Variants in VPS50 observed in about 807,000 individuals in gnomAD.
VPS50 encodes syndetin.
In VPS50, 70 loss-of-function variants were observed where a neutral mutation model predicts 139.7. The ratio of observed to expected loss-of-function variants is 0.50; its 90% CI spans 0.41 to 0.61. The LOEUF (loss-of-function observed/expected upper bound fraction) is 0.61. VPS50 is among the 20% of genes least tolerant of loss of function. The probability of loss-of-function intolerance (pLI) is 0.00; values close to 1 mark genes in which losing one functional copy is unlikely to be tolerated. For missense variants in VPS50, 921 were observed against 1,133.7 expected (o/e 0.81, Z 2.69); for synonymous variants, 365 against 376.7 (o/e 0.97, Z 0.36).
chr7:93,290,512 G>T (rs1796618715), intron 12 of VPS50, among the ~76,000 whole-genome samples: 1 of 146,768 alleles, frequency 6.8e-6, no homozygotes. Context: ...ATATGTTTTT[G>T]TTAGGAGTGG....
intron 14 of VPS50, among the ~76,000 whole-genome samples, 163 bp from the exon 15 acceptor site, chr7:93,296,579 T>C (rs896993624): frequency 2.0e-5 from 3 of 152,206 alleles, no homozygotes; most frequent in Non-Finnish European, 4.4e-5. Flanking sequence ...TTGTCTCTAT[T>C]ACATCCCTTA....
chr7:93,296,892 T>A (rs1796827195), intron 15 of VPS50, 56 bp downstream of exon 15: 44 of 1,528,778 alleles, frequency 2.9e-5, no homozygotes, highest in Non-Finnish European at 3.8e-5. Context: ...CCATGATAAA[T>A]CATGAGCTAG....
rs150180871 is a variant in VPS50 at position 93,339,073 on chromosome 7, T to C, written c.2059-2354T>C. 4.2e-3 allele frequency among the ~76,000 whole-genome samples: 642 copies of C among 152,244 alleles called. 3 individuals are homozygous for C. The highest frequency in any genetic ancestry group is 0.015 in the African/African-American group (617 of 41,562). ...CTTATCAATAACTACCAGAATTAAA[T>C]AGCATAGACAACCAATTGGTGCCAA... On this transcript the variant is annotated intron_variant, in intron 22 of 27. Transcript: ENST00000305866.
At chr7:93,346,308 C>T (rs1390310004) in intron 23 of VPS50, among the ~76,000 whole-genome samples, 1 of 152,092 alleles carries the variant, frequency 6.6e-6, no homozygotes, top group Non-Finnish European at 1.5e-5. Context: ...CAGACCACTG[C>T]TCAAAGAAAT....
At chr7:93,344,693 A>G (rs1798335977) in intron 23 of VPS50, among the ~76,000 whole-genome samples, 1 of 151,692 alleles carries the variant, frequency 6.6e-6, no homozygotes, top group Admixed American at 6.6e-5. Context: ...AAAACCGCTC[A>G]ACTACATGGA....
At chr7:93,354,455 A>G (rs1239671390) in intron 26 of VPS50, among the ~76,000 whole-genome samples, 1 of 151,586 alleles carries the variant, frequency 6.6e-6, no homozygotes, top group African/African-American at 2.4e-5. Flanking sequence ...CACCATGCCC[A>G]CTAATTTTTT....
At chr7:93,322,476 T>A (rs1254489104) in intron 20 of VPS50, among the ~76,000 whole-genome samples, 1 of 151,128 alleles carries the variant, frequency 6.6e-6, no homozygotes, top group African/African-American at 2.4e-5. Flanking sequence ...AGCGGGCGCC[T>A]GTAGTCCCAG....
intron 2 of VPS50, among the ~76,000 whole-genome samples, chr7:93,241,957 G>A (rs1193782156): frequency 3.3e-5 from 5 of 151,864 alleles, no homozygotes; most frequent in African/African-American, 1.2e-4. Context: ...TTAAAATTAA[G>A]ATTAAAAGCA....
chr7:93,310,466 G>T lies in VPS50; in HGVS notation c.1749-700G>T, dbSNP rs73712828. On this transcript the variant is annotated intron_variant, in intron 19 of 27. Coordinates refer to ENST00000305866, the MANE Select transcript of VPS50 (RefSeq NM_017667.4). ...ACAACTCTTAGATCTAAATTTAGGG[G>T]TTTTTTTTTTCATAGTTACAAATTT... Among the ~76,000 whole-genome samples the T allele has an allele frequency of 9.1e-3, 1,350 of 148,080 alleles. 17 individuals carry two copies. Among genetic ancestry groups the T allele is most frequent in the Middle Eastern group, 0.031 (9 of 286 alleles).
chr7:93,285,735 T>G (rs1166115382), intron 12 of VPS50, among the ~76,000 whole-genome samples: 1 of 152,184 alleles, frequency 6.6e-6, no homozygotes, highest in Non-Finnish European at 1.5e-5. Context: ...TACTGTGAAC[T>G]GACAGTGATA....
At chr7:93,296,669 TA>T in intron 14 of VPS50, 72 bp from the exon 15 acceptor site, 1 of 1,544,580 alleles carries the variant, frequency 6.5e-7, no homozygotes, top group Non-Finnish European at 8.7e-7. Flanking sequence ...TCTGGAACTA[TA>T]GAGTAAATGC....
chr7:93,310,690 C>A (rs1797242601), intron 19 of VPS50, among the ~76,000 whole-genome samples: 1 of 151,980 alleles, frequency 6.6e-6, no homozygotes, highest in Non-Finnish European at 1.5e-5. Flanking sequence ...TCTGTTCTCT[C>A]TTATCTCTGA....
intron 20 of VPS50, among the ~76,000 whole-genome samples, chr7:93,316,308 G>T (rs182731913): frequency 5.9e-5 from 9 of 152,290 alleles, no homozygotes; most frequent in Admixed American, 6.5e-5. Flanking sequence ...GTCCTATGCA[G>T]CTTGGACATA....
intron 2 of VPS50, among the ~76,000 whole-genome samples, chr7:93,247,174 G>A (rs1325158915): frequency 6.6e-6 from 1 of 151,726 alleles, no homozygotes; most frequent in Non-Finnish European, 1.5e-5. Flanking sequence ...CCTCTAAAAC[G>A]TTGAATTCTG....
intron 12 of VPS50, among the ~76,000 whole-genome samples, chr7:93,288,713 G>A (rs1796564283): frequency 6.6e-6 from 1 of 152,128 alleles, no homozygotes; most frequent in Admixed American, 6.6e-5. Context: ...ATTGTAATAG[G>A]GAAAAGAGTC....
At chr7:93,232,825 GCTGT>G (rs1794677920) in intron 1 of VPS50, among the ~76,000 whole-genome samples, 2 of 152,142 alleles carry the variant, frequency 1.3e-5, no homozygotes, top group Non-Finnish European at 2.9e-5. Context: ...CCGCATCCAG[GCTGT>G]CTGTCATATG....
At chr7:93,250,288 T>C (rs1795283023) in intron 2 of VPS50, among the ~76,000 whole-genome samples, 1 of 152,154 alleles carries the variant, frequency 6.6e-6, no homozygotes, top group Non-Finnish European at 1.5e-5. Flanking sequence ...ATAGTTAGTT[T>C]TACAAATACA....
At chr7:93,271,736 G>A (rs1467499562) in intron 10 of VPS50, among the ~76,000 whole-genome samples, 2 of 151,666 alleles carry the variant, frequency 1.3e-5, no homozygotes, top group African/African-American at 2.4e-5. Context: ...TTATGAGCAT[G>A]AAGCATGTTT....
At chr7:93,283,276 G>A (rs1237420737) in intron 12 of VPS50, among the ~76,000 whole-genome samples, 1 of 148,986 alleles carries the variant, frequency 6.7e-6, no homozygotes, top group Non-Finnish European at 1.5e-5. Flanking sequence ...TGCCTGGGCT[G>A]GAGTTCAATG....
Sources: gnomAD v4.1 joint callset for allele counts (sites outside exome capture counted in the v4.1 genomes callset) on GRCh38, gnomAD v4.1.1 for gene constraint, MANE v1.5 for transcripts, NCBI Gene and HGNC (gene_info 2026-07-23, HGNC 2026-07-21) for gene names.